WBP2NL: variants seen among roughly 807,000 people sequenced by gnomAD.
WBP2NL encodes the protein WBP2 N-terminal like.
Under a neutral mutation model 23.3 loss-of-function variants are expected in WBP2NL, and 27 were observed. That is an observed-to-expected ratio of 1.16 (90% CI 0.85 to 1.60). The LOEUF is 1.60. Ranked by LOEUF, WBP2NL falls within the 40% of genes most tolerant of loss-of-function variation. The pLI is 0.00. For missense variants in WBP2NL, 370 were observed against 389.5 expected (o/e 0.95, Z 0.42); for synonymous variants, 151 against 145.9 (o/e 1.03, Z -0.25).
At chr22:42,045,322 TCC>T (rs1925546324) in intron 8 of WBP2NL, among the ~76,000 whole-genome samples, 1 of 151,816 alleles carries the variant, frequency 6.6e-6, no homozygotes, top group Non-Finnish European at 1.5e-5. Flanking sequence ...TCGCCTGTAG[TCC>T]CAGCTACTCT....
chr22:42,025,938 A>G (rs944184424), intron 5 of WBP2NL, among the ~76,000 whole-genome samples: 7 of 152,192 alleles, frequency 4.6e-5, no homozygotes, highest in Non-Finnish European at 7.3e-5. Flanking sequence ...CAATATGAAG[A>G]CATTTCTTAT....
At chr22:42,039,724 T>A (rs567016472) in intron 8 of WBP2NL, among the ~76,000 whole-genome samples, 2 of 152,154 alleles carry the variant, frequency 1.3e-5, no homozygotes, top group South Asian at 4.1e-4. Flanking sequence ...TTTATTTATT[T>A]GAATCTTCTT....
At chr22:42,010,760 G>A (rs529984129) in intron 1 of WBP2NL, among the ~76,000 whole-genome samples, 30 of 152,208 alleles carry the variant, frequency 2.0e-4, no homozygotes, top group African/African-American at 4.8e-4. Context: ...GGATGATCTC[G>A]ATCTCCTGAC....
chr22:42,053,699 C>T (rs1331714470), intron 8 of WBP2NL, among the ~76,000 whole-genome samples: 1 of 152,014 alleles, frequency 6.6e-6, no homozygotes, highest in African/African-American at 2.4e-5. Context: ...ACCTCATGAT[C>T]CACCTGCCTC....
chr22:42,054,547 G>C (rs909899186), intron 8 of WBP2NL, among the ~76,000 whole-genome samples: 1 of 151,956 alleles, frequency 6.6e-6, no homozygotes. Flanking sequence ...AAGTCACTAA[G>C]ATTTATACTT....
chr22:42,011,685 T>C (rs133327), intron 1 of WBP2NL, among the ~76,000 whole-genome samples: 64,940 of 152,026 alleles, frequency 0.43, 15,021 homozygotes, highest in East Asian at 0.85. Flanking sequence ...GTTATCCAAC[T>C]TGACATACAA....
rs1032878753 is a variant in WBP2NL at position 42,051,746 on chromosome 22, G to A, written c.*274-6544G>A. 5.9e-5 allele frequency among the ~76,000 whole-genome samples: 9 copies of A among 152,072 alleles called. No individual in the cohort carries two copies. In the East Asian group the frequency reaches 9.6e-4, roughly 16 times the overall value. Reference sequence around the variant, plus strand: ...TCCCACAGCTTTTTAAATGTCTGAGGGCTCCCAAGCTAGGTGGCAAAAACC... The same window carrying A: ...TCCCACAGCTTTTTAAATGTCTGAGAGCTCCCAAGCTAGGTGGCAAAAACC... On this transcript the variant is annotated intron_variant and NMD_transcript_variant, in intron 8 of 8. Transcript: ENST00000436265.
In WBP2NL at chr22:42,019,331, A is replaced by ATG; in HGVS notation, c.86_87dup (p.Glu30TrpfsTer30). 6.2e-7 allele frequency: 1 copy of ATG among 1,614,056 alleles called. No individual in the cohort carries two copies. Among genetic ancestry groups the ATG allele is most frequent in the Non-Finnish European group, 8.5e-7 (1 of 1,180,014 alleles). ...TACAGTCTCTTGAAGCGGTCTCCGA[A>ATG]TGTGGAGCTCTCCTTCCCACAGCGA... is the stretch of plus-strand genomic sequence containing the variant. On this transcript the variant is annotated frameshift_variant, in exon 2 of 6. Transcript: ENST00000328823. LOFTEE classifies it high-confidence loss of function.
Position 41,998,850 on chromosome 22 carries a change from G to A in WBP2NL, c.32G>A (p.Arg11His), listed in dbSNP as rs777119572. ...GTGAATCAGAGCCACACCGAGAACC[G>A]CCGCGGAGCCCTCATCCCTAACGGT... is the stretch of plus-strand genomic sequence containing the variant. MAVNQSHTEN[R>H]RGALIPNGES... Residue 11 changes from arginine (R) to histidine (H), a missense_variant, in exon 1 of 6, where the codon CGC (arginine) becomes CAC (histidine). Physicochemically the swap from Arg to His is conservative, Grantham distance 29. Transcript: ENST00000328823. 6.8e-6 allele frequency: 11 copies of A among 1,611,984 alleles called. No individual in the cohort carries two copies. In the East Asian group the frequency reaches 2.0e-4, roughly 29 times the overall value.
Position 42,015,760 on chromosome 22 carries a change from G to C in WBP2NL, c.63-3551G>C, listed in dbSNP as rs1923249309. 4.6e-5 allele frequency among the ~76,000 whole-genome samples: 7 copies of C among 152,236 alleles called. No individual in the cohort carries two copies. The South Asian group carries it at 1.5e-3, about 32-fold the overall frequency. ...TGAAAGCTTAGTGCCTCTTCAGTGT[G>C]TGTGTGTGTTTCATTTTTTGTTTGT... On this transcript the variant is annotated intron_variant, in intron 1 of 5. Coordinates refer to ENST00000328823, the MANE Select transcript of WBP2NL (RefSeq NM_152613.3).
intron 1 of WBP2NL, among the ~76,000 whole-genome samples, chr22:42,011,843 G>A (rs925467109): frequency 1.4e-4 from 22 of 151,878 alleles, no homozygotes; most frequent in African/African-American, 5.3e-4. Context: ...TGCAATATTG[G>A]CTCGCTGCAA....
chr22:42,043,024 A>G (rs1344229017), intron 8 of WBP2NL, among the ~76,000 whole-genome samples: 1 of 149,340 alleles, frequency 6.7e-6, no homozygotes, highest in African/African-American at 2.5e-5. Context: ...AAGAAAAAAA[A>G]AAAAAAAAAA....
downstream of WBP2NL, chr22:42,030,426 A>C (rs139224782): frequency 1.3e-5 from 2 of 152,258 alleles, no homozygotes; most frequent in African/African-American, 4.8e-5. Context: ...AAGATAAAAT[A>C]TATAGAAAGT....
downstream of WBP2NL, among the ~76,000 whole-genome samples, chr22:42,035,623 T>C (rs1324807069): frequency 6.6e-6 from 1 of 152,256 alleles, no homozygotes; most frequent in Non-Finnish European, 1.5e-5. Flanking sequence ...AGTTGGTGAA[T>C]CACTTTTTTG....
chr22:42,021,789 C>CTTTCT (rs762017491), intron 4 of WBP2NL, among the ~76,000 whole-genome samples: 34 of 132,684 alleles, frequency 2.6e-4, no homozygotes, highest in African/African-American at 9.1e-4. Flanking sequence ...TTCTTTCTTT[C>CTTTCT]TTTTTTTTTT....
At chr22:42,016,947 T>C (rs1479845750) in intron 1 of WBP2NL, among the ~76,000 whole-genome samples, 2 of 152,192 alleles carry the variant, frequency 1.3e-5, no homozygotes, top group African/African-American at 2.4e-5. Flanking sequence ...TTTCCAACTT[T>C]GTTTCACTGT....
intron 1 of WBP2NL, among the ~76,000 whole-genome samples, chr22:42,003,653 A>G (rs923387166): frequency 3.9e-5 from 6 of 152,214 alleles, no homozygotes; most frequent in Non-Finnish European, 2.9e-5. Context: ...TGATTCTATG[A>G]GGAGTCTTCA....
At chr22:42,018,028 A>C (rs1341010420) in intron 1 of WBP2NL, among the ~76,000 whole-genome samples, 2 of 151,952 alleles carry the variant, frequency 1.3e-5, no homozygotes, top group African/African-American at 4.8e-5. Context: ...CAGGCGACTT[A>C]ATCCCAGCTA....
At chr22:42,018,177 G>A (rs9607868) in intron 1 of WBP2NL, among the ~76,000 whole-genome samples, 43,566 of 149,430 alleles carry the variant, frequency 0.29, 6,907 homozygotes, top group Admixed American at 0.37. Context: ...TTAGCCAGGC[G>A]TGGTGGTGCT....
Sources: allele counts gnomAD v4.1 joint callset (sites outside exome capture counted in the v4.1 genomes callset), GRCh38; gene constraint gnomAD v4.1.1; transcripts MANE v1.5; gene names NCBI Gene and HGNC (gene_info 2026-07-23, HGNC 2026-07-21).